SLC44A1: variants seen among roughly 807,000 people sequenced by gnomAD.
SLC44A1 encodes choline transporter-like protein 1.
Under a neutral mutation model 79.3 loss-of-function variants are expected in SLC44A1, and 26 were observed. The observed-to-expected ratio is 0.33, with a 90% CI of 0.24 to 0.46. SLC44A1 has a LOEUF of 0.46. Among genes scored for constraint, SLC44A1 ranks in the 20% least tolerant of loss-of-function variants. The pLI, the probability that SLC44A1 is intolerant of heterozygous loss-of-function variation, is 1.00. For synonymous variants in SLC44A1, 263 were observed against 286.2 expected, an observed-to-expected ratio of 0.92 and a Z score of 0.82; for missense variants, 688 against 798.1, an observed-to-expected ratio of 0.86 and a Z score of 1.66.
At chr9:105,286,940 G>A (rs1466828250) in intron 1 of SLC44A1, among the ~76,000 whole-genome samples, 3 of 151,974 alleles carry the variant, frequency 2.0e-5, no homozygotes, top group Admixed American at 2.0e-4. Context: ...TTGCAGCCTG[G>A]GTGACAAAAC....
chr9:105,427,683 G>A (rs1829340678), intron 15 of SLC44A1, among the ~76,000 whole-genome samples: 1 of 152,064 alleles, frequency 6.6e-6, no homozygotes, highest in African/African-American at 2.4e-5. Context: ...CTTTCCTTTA[G>A]ATAGACTTCT....
rs1564050440 is a variant in SLC44A1, at chr9:105,395,407, CGG to C, written c.*6354_*6355del. 2.5e-6 allele frequency: 1 copy of C among 408,096 alleles called. No homozygotes were observed. Among genetic ancestry groups the C allele is most frequent in the Non-Finnish European group, 3.3e-6 (1 of 302,246 alleles). 25.3% of individuals were successfully genotyped at this position (408,096 alleles called of 1,614,324 possible). ...CTAATTTTTGTATTTTTAGTAGAGA[CGG>C]GGTTTCACCACGTTGGCCAGGCCAA... On this transcript the variant is annotated 3_prime_UTR_variant, in exon 16 of 16. Transcript: ENST00000374720.
intron 15 of SLC44A1, among the ~76,000 whole-genome samples, chr9:105,436,210 C>CA (rs1054189158): frequency 6.6e-6 from 1 of 151,562 alleles, no homozygotes; most frequent in African/African-American, 2.4e-5. Flanking sequence ...AAACAGAAAA[C>CA]AAAAAAAAGT....
rs149674384 is a variant in SLC44A1 at position 105,264,945 on chromosome 9, C to T, written c.36+20041C>T. 7.0e-3 allele frequency among the ~76,000 whole-genome samples: 1,061 copies of T among 152,070 alleles called. 10 individuals carry two copies. Among genetic ancestry groups the T allele is most frequent in the African/African-American group, 0.024 (981 of 41,486 alleles). On this transcript the variant is annotated intron_variant, in intron 1 of 15. Transcript: ENST00000374720. Reference sequence around the variant, plus strand: ...CCGAGTAGCTGGGATTACAGGCATGCGCCACCACGCCTGGCTAATTTTGTA... The same window carrying T: ...CCGAGTAGCTGGGATTACAGGCATGTGCCACCACGCCTGGCTAATTTTGTA...
rs141732820 is a variant in SLC44A1, at chr9:105,404,614, G to A, written c.1950+19112G>A. 5.2e-3 allele frequency among the ~76,000 whole-genome samples: 781 copies of A among 151,570 alleles called. 12 individuals carry two copies. The highest frequency in any genetic ancestry group is 0.021 in the Middle Eastern group (6 of 292). ...AAATGTTATATGCTCAGCCTGTGCT[G>A]TAGGACTACGATGATAAATAAATGA... On this transcript the variant is annotated intron_variant, in intron 15 of 15. Coordinates refer to the SLC44A1 transcript ENST00000374724.
chr9:105,325,747 T>C (rs1343653916), intron 3 of SLC44A1, among the ~76,000 whole-genome samples: 1 of 152,180 alleles, frequency 6.6e-6, no homozygotes, highest in Non-Finnish European at 1.5e-5. Context: ...GGGACAAATA[T>C]TTATACCATA....
Position 105,385,811 on chromosome 9 carries a change from T to C in SLC44A1, c.1950+309T>C, listed in dbSNP as rs367729107. 112 of 985,432 alleles carry C rather than the reference T, an allele frequency of 1.1e-4. No individual in the cohort carries two copies. In the Middle Eastern group the frequency reaches 1.6e-3, roughly 14 times the overall value. The allele number at this position is 985,432 out of a possible 1,614,324, so 61.0% of individuals were successfully genotyped here. ...CTGTTGCTCTTGTTTCCTTTTTAACTGTCAGTGTTTGGCTTTCATCAGACT... is the reference window on the plus strand; with the variant it reads ...CTGTTGCTCTTGTTTCCTTTTTAACCGTCAGTGTTTGGCTTTCATCAGACT... On this transcript the variant is annotated intron_variant, in intron 15 of 15. Transcript: ENST00000374720.
chr9:105,350,972 T>TCA (rs1827387256), intron 5 of SLC44A1, among the ~76,000 whole-genome samples: 1 of 152,202 alleles, frequency 6.6e-6, no homozygotes, highest in Non-Finnish European at 1.5e-5. Flanking sequence ...CCTAAAAGCT[T>TCA]TTGAATTTTA....
In SLC44A1 at chr9:105,370,317, A is replaced by C. The variant is rs567687249; in HGVS notation, c.1494+3888A>C. Among the ~76,000 whole-genome samples, 21 of 152,338 alleles carry C rather than the reference A, an allele frequency of 1.4e-4. No homozygotes were observed. The South Asian group carries it at 4.4e-3, about 32-fold the overall frequency. On this transcript the variant is annotated intron_variant, in intron 12 of 15. Coordinates refer to ENST00000374720, the MANE Select transcript of SLC44A1 (RefSeq NM_080546.5). ...AGGTCATCTTGACCTTTGTGTATCC[A>C]GTTCATCTTCCTACCTTGGGAGTGA...
In SLC44A1 at chr9:105,391,633, T is replaced by C. The variant is rs1828764196; in HGVS notation, c.*2577T>C. ...GAGGATTTTAAGCAATATTTAAATG[T>C]GTTGAGGTTATGTTTGGATATTCCT... On this transcript the variant is annotated 3_prime_UTR_variant, in exon 16 of 16. Transcript: ENST00000374720. 1 of 985,228 alleles carries C rather than the reference T, an allele frequency of 1.0e-6. No individual in the cohort carries two copies. The highest frequency in any genetic ancestry group is 6.2e-5 in the Admixed American group (1 of 16,246). The allele number at this position is 985,228 out of a possible 1,614,324, so 61.0% of individuals were successfully genotyped here.
At chr9:105,385,826 T>C in intron 15 of SLC44A1, 1 of 985,468 alleles carries the variant, frequency 1.0e-6, no homozygotes, top group Non-Finnish European at 1.2e-6. Flanking sequence ...GTGTTTGGCT[T>C]TCATCAGACT....
chr9:105,253,704 C>T (rs532371681), intron 1 of SLC44A1, among the ~76,000 whole-genome samples: 2 of 152,252 alleles, frequency 1.3e-5, no homozygotes, highest in South Asian at 4.1e-4. Context: ...TGTATTCCGG[C>T]CTGGGTGGCA....
intron 15 of SLC44A1, among the ~76,000 whole-genome samples, chr9:105,405,184 G>A (rs1246637553): frequency 2.6e-5 from 4 of 152,252 alleles, no homozygotes; most frequent in Admixed American, 2.0e-4. Flanking sequence ...AGCTGGGTGT[G>A]ATGGCGGGCA....
chr9:105,336,042 G>C (rs6479310), intron 4 of SLC44A1, among the ~76,000 whole-genome samples: 1 of 151,708 alleles, frequency 6.6e-6, no homozygotes, highest in Non-Finnish European at 1.5e-5. Flanking sequence ...CCCAAGTATT[G>C]GTTAAAAGTA....
intron 3 of SLC44A1, among the ~76,000 whole-genome samples, chr9:105,331,422 T>C (rs1826745532): frequency 6.6e-6 from 1 of 152,240 alleles, no homozygotes; most frequent in African/African-American, 2.4e-5. Context: ...TACAATAATC[T>C]GGTTTGTCAA....
intron 1 of SLC44A1, among the ~76,000 whole-genome samples, chr9:105,254,239 T>C (rs533449759): frequency 1.1e-3 from 174 of 152,294 alleles, no homozygotes; most frequent in African/African-American, 4.1e-3. Context: ...TTTTCTTAAT[T>C]AGCTCCCCTC....
At chr9:105,427,484 A>G (rs543065166) in intron 15 of SLC44A1, among the ~76,000 whole-genome samples, 1 of 152,042 alleles carries the variant, frequency 6.6e-6, no homozygotes, top group Non-Finnish European at 1.5e-5. Flanking sequence ...TACGTTGCTC[A>G]GGCTGGTCTC....
chr9:105,278,822 C>T (rs145838502), intron 1 of SLC44A1, among the ~76,000 whole-genome samples: 124 of 152,274 alleles, frequency 8.1e-4, no homozygotes, highest in African/African-American at 2.9e-3. Context: ...TTTTTTCCGC[C>T]TTTAAGGTCA....
At position 105,253,263 on chromosome 9, in the gene SLC44A1, T is replaced by A. The variant is rs1279191867; in HGVS notation, c.36+8359T>A. The stretch of plus-strand genomic sequence containing the variant: ...CTGGATATGTTTATAATATGTAAAG[T>A]AAAAAAACCAGCAGGAAGATGGAAA... On this transcript the variant is annotated intron_variant, in intron 1 of 15. Coordinates refer to ENST00000374720, the MANE Select transcript of SLC44A1 (RefSeq NM_080546.5). Among the ~76,000 whole-genome samples the A allele has an allele frequency of 5.3e-5, 8 of 152,046 alleles. No homozygotes were observed. The East Asian group carries it at 1.5e-3, about 29-fold the overall frequency.
Sources: allele counts gnomAD v4.1 joint callset (sites outside exome capture counted in the v4.1 genomes callset), GRCh38; gene constraint gnomAD v4.1.1; transcripts MANE v1.5; gene names NCBI Gene and HGNC (gene_info 2026-07-23, HGNC 2026-07-21).